Variants in PTDSS2 observed in about 807,000 individuals in gnomAD.
PTDSS2 encodes PSS-2.
A neutral mutation model predicts 64.7 loss-of-function variants in PTDSS2; 41 were observed. The ratio of observed to expected loss-of-function variants is 0.63; its 90% CI spans 0.49 to 0.82. The LOEUF (loss-of-function observed/expected upper bound fraction) is 0.82. Ranked by LOEUF, PTDSS2 falls within the 40% of genes least tolerant of loss-of-function variation. The probability of loss-of-function intolerance (pLI) is 0.00; values close to 1 mark genes in which losing one functional copy is unlikely to be tolerated. For synonymous variants in PTDSS2, 297 were observed against 277.8 expected (o/e 1.07, Z -0.69); for missense variants, 485 against 650.0 (o/e 0.75, Z 2.76).
chr11:479,855 T>G lies in PTDSS2; in HGVS notation c.435+703T>G, dbSNP rs1054147934. ...TTAACTTAGTGTAAACACACATTTT[T>G]GGGGCTGTCTTCAGCTTACAAAGGA... On this transcript the variant is annotated intron_variant, in intron 4 of 11. Coordinates refer to ENST00000308020, the MANE Select transcript of PTDSS2 (RefSeq NM_030783.3). This position sits in a 1 kb window ranked among gnomAD's most constrained non-coding sequence, Gnocchi z 4.2. Among the ~76,000 whole-genome samples, 7 of 152,384 alleles carry G rather than the reference T, an allele frequency of 4.6e-5. No individual in the cohort carries two copies. Among genetic ancestry groups the G allele is most frequent in the African/African-American group, 1.7e-4 (7 of 41,598 alleles).
At chr11:465,704 T>G (rs1847108337) in intron 2 of PTDSS2, among the ~76,000 whole-genome samples, 1 of 152,048 alleles carries the variant, frequency 6.6e-6, no homozygotes, top group Non-Finnish European at 1.5e-5. Flanking sequence ...CTAGGAGGAT[T>G]GCTTGAGGTC....
chr11:490,298 A>C, intron 11 of PTDSS2, 122 bp from the exon 12 acceptor site: 1 of 1,394,482 alleles, frequency 7.2e-7, no homozygotes, highest in Non-Finnish European at 1.0e-6. Context: ...TCCCAGGGCC[A>C]GGGTACCCGG....
At chr11:472,135 C>T (rs1847493252) in intron 2 of PTDSS2, among the ~76,000 whole-genome samples, 1 of 152,142 alleles carries the variant, frequency 6.6e-6, no homozygotes, top group African/African-American at 2.4e-5. Context: ...GGGTGACGTG[C>T]GCCTGCACCG....
chr11:488,049 C>T lies in PTDSS2; in HGVS notation c.622-150C>T, dbSNP rs1332508751. On this transcript the variant is annotated intron_variant, in intron 6 of 11. Coordinates refer to ENST00000308020, the MANE Select transcript of PTDSS2 (RefSeq NM_030783.3). ...TGCGTCCCATACTCTGGCTGCCAGCCGGGTGGGGGCTGCACGCACCCGTGG... is the reference window on the plus strand; with the variant it reads ...TGCGTCCCATACTCTGGCTGCCAGCTGGGTGGGGGCTGCACGCACCCGTGG... 6.2e-5 allele frequency: 24 copies of T among 388,768 alleles called. 1 individual carries two copies. In the East Asian group the frequency reaches 7.9e-4, roughly 13 times the overall value. 24.1% of individuals were successfully genotyped at this position (388,768 alleles called of 1,614,324 possible).
chr11:490,811 C>CGTGTGTGTACGCGTGTGTGCGT lies in PTDSS2; in HGVS notation c.*230_*231insTGTGTGTACGCGTGTGTGCGTG, dbSNP rs149316958. Reference sequence around the variant, plus strand: ...ATGCGTGTGTGTACGCGTGTGTACGCGCGTGTGTACACATGCGTGGCCGCC... The same window carrying CGTGTGTGTACGCGTGTGTGCGT: ...ATGCGTGTGTGTACGCGTGTGTACGCGTGTGTGTACGCGTGTGTGCGTGCGTGTGTACACATGCGTGGCCGCC... On this transcript the variant is annotated 3_prime_UTR_variant, in exon 12 of 12. Transcript: ENST00000308020. 4,222 of 582,090 alleles carry CGTGTGTGTACGCGTGTGTGCGT rather than the reference C, an allele frequency of 7.3e-3. 32 individuals carry two copies. Among genetic ancestry groups the CGTGTGTGTACGCGTGTGTGCGT allele is most frequent in the Admixed American group, 0.012 (392 of 31,904 alleles). 36.1% of individuals were successfully genotyped at this position (582,090 alleles called of 1,614,324 possible).
chr11:487,243 G>A (rs1318846026), intron 5 of PTDSS2, 170 bp downstream of exon 5: 10 of 932,974 alleles, frequency 1.1e-5, no homozygotes, highest in East Asian at 7.4e-5. Context: ...TGGGCAGGGG[G>A]CCCCTGCTCT....
rs1484628876 is a variant in PTDSS2, at chr11:471,864, T to G, written c.285-2031T>G. The stretch of plus-strand genomic sequence containing the variant: ...GCCTGGGGTGACGCGGATGGTGGCC[T>G]GGGGTGACGCGCACCTGTCTGGTGG... On this transcript the variant is annotated intron_variant, in intron 2 of 11. Transcript: ENST00000308020. 5.4e-5 allele frequency among the ~76,000 whole-genome samples: 7 copies of G among 129,422 alleles called. No homozygotes were observed. In the East Asian group the frequency reaches 1.7e-3, roughly 31 times the overall value. 84.9% of individuals were successfully genotyped at this position (129,422 alleles called of 152,430 possible).
chr11:484,597 CGT>C (rs1848212741), intron 4 of PTDSS2, among the ~76,000 whole-genome samples: 2 of 147,730 alleles, frequency 1.4e-5, no homozygotes, highest in Non-Finnish European at 3.0e-5. Flanking sequence ...AGTGCATGGG[CGT>C]GTGTGCTCAC....
chr11:473,570 G>T (rs1193506596), intron 2 of PTDSS2, among the ~76,000 whole-genome samples: 1 of 150,280 alleles, frequency 6.7e-6, no homozygotes. Context: ...GCGAATGTTG[G>T]GTGCAGGGTG....
At chr11:488,397 C>A in intron 7 of PTDSS2, 85 bp downstream of exon 7, 4 of 1,348,264 alleles carry the variant, frequency 3.0e-6, no homozygotes, top group Non-Finnish European at 4.2e-6. Context: ...GCCCCTGGAC[C>A]CCCTCATTCT....
chr11:481,464 T>G (rs973541754), intron 4 of PTDSS2, among the ~76,000 whole-genome samples: 13 of 152,358 alleles, frequency 8.5e-5, no homozygotes, highest in Admixed American at 7.8e-4. Context: ...CTGACAATAT[T>G]AACTCCGTCA....
At position 487,253 on chromosome 11, in the gene PTDSS2, T is replaced by C. The variant is rs558390273; in HGVS notation, c.571-167T>C. ...CATGGTGGGCAGGGGGCCCCTGCTCTCTAGGCTGTCGTGGACGTGGTCTCC... is the reference window on the plus strand; with the variant it reads ...CATGGTGGGCAGGGGGCCCCTGCTCCCTAGGCTGTCGTGGACGTGGTCTCC... On this transcript the variant is annotated intron_variant, in intron 5 of 11. Transcript: ENST00000308020. 5.4e-6 allele frequency: 5 copies of C among 923,582 alleles called. No homozygotes were observed. In the Admixed American group the frequency reaches 1.1e-4, roughly 20 times the overall value. The allele number at this position is 923,582 out of a possible 1,614,324, so 57.2% of individuals were successfully genotyped here. A position where few individuals can be genotyped will look rare whatever the true frequency, so the allele number is the denominator to read the frequency against.
At chr11:471,379 A>T (rs1847421409) in intron 2 of PTDSS2, among the ~76,000 whole-genome samples, 1 of 152,230 alleles carries the variant, frequency 6.6e-6, no homozygotes, top group African/African-American at 2.4e-5. Flanking sequence ...ACAGGTGTGA[A>T]CCACTGTGCC....
chr11:451,382 C>G, intron 1 of PTDSS2: 1 of 447,180 alleles, frequency 2.2e-6, no homozygotes, highest in South Asian at 1.6e-5. Context: ...CTACTCCCGA[C>G]AGCTGCGACC....
chr11:450,078 G>C (rs893098004), upstream of PTDSS2, among the ~76,000 whole-genome samples: 2 of 152,200 alleles, frequency 1.3e-5, no homozygotes, highest in Non-Finnish European at 2.9e-5. Context: ...AGGCCGCCGG[G>C]GATGTCTGTG....
chr11:489,843 T>A, intron 10 of PTDSS2, 40 bp from the exon 11 acceptor site: 1 of 1,547,476 alleles, frequency 6.5e-7, no homozygotes, highest in Non-Finnish European at 8.7e-7. Context: ...TGGAGGACCC[T>A]GCGGGGCCCG....
At position 479,151 on chromosome 11, in the gene PTDSS2, A is replaced by G; in HGVS notation, c.434A>G (p.Gln145Arg). The change falls in exon 4 of 12, where the codon CAG (glutamine) becomes CGG (arginine). Residue 145 changes from glutamine to arginine, a missense_variant and splice_region_variant. Gln to Arg is a conservative substitution (Grantham distance 43). Around this residue, in one of 3 missense-constraint regions of PTDSS2, gnomAD observed 251 missense variants for 348.0 expected, o/e 0.72. Coordinates refer to ENST00000308020, the MANE Select transcript of PTDSS2 (RefSeq NM_030783.3). The surrounding 1 kb of genome is among the most constrained non-coding windows in gnomAD (Gnocchi z 4.2). ...CTGTTTCTCATCTTTATACTCTTCC[A>G]GGTAAGCTGTTTTTCTGGGTTGGAT... The part of the protein sequence containing the change: ...YELFLIFILF[Q>R]TVQDGRQFLK... 1 of 1,613,518 alleles carries G rather than the reference A, an allele frequency of 6.2e-7. No homozygotes were observed. The highest frequency in any genetic ancestry group is 8.5e-7 in the Non-Finnish European group (1 of 1,179,408).
At chr11:469,217 T>C (rs1384870861) in intron 2 of PTDSS2, among the ~76,000 whole-genome samples, 2 of 117,006 alleles carry the variant, frequency 1.7e-5, no homozygotes, top group Non-Finnish European at 3.6e-5. Context: ...CTCTGGGTAA[T>C]CGGAAGGAGG....
chr11:455,909 C>T (rs539445049), intron 1 of PTDSS2, among the ~76,000 whole-genome samples: 3 of 151,632 alleles, frequency 2.0e-5, no homozygotes, highest in Non-Finnish European at 4.4e-5. Flanking sequence ...GTGGCTGGGG[C>T]GGGGGCTCAG....
Sources: allele counts gnomAD v4.1 joint callset (sites outside exome capture counted in the v4.1 genomes callset), GRCh38; gene constraint gnomAD v4.1.1; regional missense constraint gnomAD v4.1.1; non-coding constraint Gnocchi (gnomAD v3.1); transcripts MANE v1.5; gene names NCBI Gene and HGNC (gene_info 2026-07-23, HGNC 2026-07-21).